LRRC56: variants seen among roughly 807,000 people sequenced by gnomAD.
LRRC56 encodes the protein leucine-rich repeat-containing protein 56.
Under a neutral mutation model 47.8 loss-of-function variants are expected in LRRC56, and 41 were observed. That is an observed-to-expected ratio of 0.86 (90% CI 0.67 to 1.11). LRRC56 has a LOEUF of 1.11. Among genes scored for constraint, LRRC56 ranks in the 50% most tolerant of loss-of-function variants. The probability of loss-of-function intolerance (pLI) is 0.00; values close to 1 mark genes in which losing one functional copy is unlikely to be tolerated. For missense variants in LRRC56, 759 were observed against 704.2 expected (o/e 1.08, Z -0.88); for synonymous variants, 387 against 311.2 (o/e 1.24, Z -2.56).
upstream of LRRC56, chr11:537,417 C>G (rs995380581): frequency 6.6e-6 from 1 of 152,266 alleles, no homozygotes; most frequent in African/African-American, 2.4e-5. Context: ...CTCAGCCGCA[C>G]GGAACCCGAG....
upstream of LRRC56, chr11:533,831 C>G (rs1392530326): frequency 2.5e-6 from 4 of 1,613,290 alleles, no homozygotes; most frequent in Non-Finnish European, 3.4e-6. Context: ...GGAAGCCCTC[C>G]CCGGTGCGCA....
intron 5 of LRRC56, 75 bp from the exon 6 acceptor site, chr11:544,645 C>T: frequency 6.7e-7 from 1 of 1,488,404 alleles, no homozygotes; most frequent in African/African-American, 1.4e-5. Flanking sequence ...GGTGCTGATG[C>T]CTAGGGGTGA....
chr11:536,780 T>C (rs1851515910), upstream of LRRC56: 1 of 152,208 alleles, frequency 6.6e-6, no homozygotes, highest in Non-Finnish European at 1.5e-5. Flanking sequence ...AAAAAGGCGT[T>C]TTACAGTCAG....
rs1424095083 is a variant in LRRC56 at position 552,591 on chromosome 11, G to C, written c.1204G>C (p.Glu402Gln). The change falls in exon 13 of 14, where the codon GAG becomes CAG. Residue 402 changes from glutamate to glutamine, a missense_variant. Physicochemically the swap from Glu to Gln is conservative, Grantham distance 29. Transcript: ENST00000270115. ...TAGCCCCCTCCCCTATAGGCACCCGGAGTCCCAACAGGAAGGGGCTGTAGC... is the reference window on the plus strand; with the variant it reads ...TAGCCCCCTCCCCTATAGGCACCCGCAGTCCCAACAGGAAGGGGCTGTAGC... Reference protein sequence around the residue: ...GVRPLPYRHPESQQEGAVAPW... With the variant: ...GVRPLPYRHPQSQQEGAVAPW... 68 of 1,607,916 alleles carry C rather than the reference G, an allele frequency of 4.2e-5. No individual in the cohort carries two copies. The highest frequency in any genetic ancestry group is 5.4e-5 in the Non-Finnish European group (64 of 1,177,814).
rs1267637550 is a variant in LRRC56 at position 541,298 on chromosome 11, C to T, written c.178-239C>T. Among the ~76,000 whole-genome samples the T allele has an allele frequency of 6.6e-6, 1 of 152,184 alleles. No individual in the cohort carries two copies. Among genetic ancestry groups the T allele is most frequent in the Non-Finnish European group, 1.5e-5 (1 of 68,030 alleles). ...TCTGCCCTGGGAGTCTCTCTGGAGA[C>T]GGGCAGCCCCCAGGGCAGGTCCTTC... On this transcript the variant is annotated intron_variant, in intron 4 of 13. Transcript: ENST00000270115. The surrounding 1 kb of genome is among the most constrained non-coding windows in gnomAD (Gnocchi z 4.1).
chr11:539,044 C>T (rs1451654546), intron 2 of LRRC56, among the ~76,000 whole-genome samples, 184 bp downstream of exon 2: 2 of 152,152 alleles, frequency 1.3e-5, no homozygotes, highest in African/African-American at 4.8e-5. Context: ...GCTCATGATT[C>T]CAGGGCCTGG....
the LRRC56 span, among the ~76,000 whole-genome samples, chr11:514,467 T>C: frequency 1.3e-5 from 2 of 152,026 alleles, no homozygotes; most frequent in South Asian, 2.1e-4. Context: ...TTTGTATTTT[T>C]GGTAGAGACA....
the LRRC56 span, chr11:506,765 A>C: frequency 6.6e-6 from 1 of 152,330 alleles, no homozygotes; most frequent in Non-Finnish European, 1.5e-5. Flanking sequence ...GCTCGCTGGA[A>C]TCTAAGGCAC....
chr11:534,831 T>C (rs113041184), upstream of LRRC56, among the ~76,000 whole-genome samples: 762 of 152,230 alleles, frequency 5.0e-3, 10 homozygotes, highest in Non-Finnish European at 8.2e-3. Flanking sequence ...GAGCGCCTAC[T>C]GCGTACTAGG....
chr11:525,337 A>T, the LRRC56 span, among the ~76,000 whole-genome samples: 1 of 151,904 alleles, frequency 6.6e-6, no homozygotes, highest in Non-Finnish European at 1.5e-5. Context: ...CAGGAGATCG[A>T]GACCATCCTG....
intron 11 of LRRC56, 22 bp downstream of exon 11, chr11:551,989 C>T: frequency 1.2e-6 from 2 of 1,612,172 alleles, no homozygotes; most frequent in Non-Finnish European, 1.7e-6. Context: ...AGGGACCAGC[C>T]CCCCACGAGA....
At chr11:508,796 C>A in the LRRC56 span, among the ~76,000 whole-genome samples, 1 of 151,590 alleles carries the variant, frequency 6.6e-6, no homozygotes, top group East Asian at 1.9e-4. Flanking sequence ...GTAATTCCAA[C>A]ACTTTGGGAG....
At position 551,204 on chromosome 11, in the gene LRRC56, C is replaced by G. The variant is rs118033321; in HGVS notation, c.698C>G (p.Pro233Arg). ...IPQLQVLDEV[P>R]AAHTGPPAPP... ...CAGCTGCAGGTCCTGGACGAAGTGC[C>G]GGCCGCACACACAGGCCCACCGGCC... The change falls in exon 9 of 14, where the codon CCG (proline) becomes CGG (arginine). Residue 233 changes from proline (P) to arginine (R), a missense_variant. Transcript: ENST00000270115. 1 of 1,546,960 alleles carries G rather than the reference C, an allele frequency of 6.5e-7. No homozygotes were observed. The highest frequency in any genetic ancestry group is 8.7e-7 in the Non-Finnish European group (1 of 1,144,840).
At chr11:540,945 TGC>T in intron 4 of LRRC56, 84 bp downstream of exon 4, 2 of 1,172,570 alleles carry the variant, frequency 1.7e-6, no homozygotes, top group Non-Finnish European at 2.4e-6. Flanking sequence ...TGGTCCAGCC[TGC>T]CCTCTGTCCC....
At chr11:518,056 G>A in the LRRC56 span, among the ~76,000 whole-genome samples, 4 of 152,094 alleles carry the variant, frequency 2.6e-5, no homozygotes, top group Non-Finnish European at 4.4e-5. Flanking sequence ...CTCTGCCTAG[G>A]AAAACCAGAG....
At chr11:537,180 C>G (rs1334892869), upstream of LRRC56, 1 of 152,272 alleles carries the variant, frequency 6.6e-6, no homozygotes, top group African/African-American at 2.4e-5. Context: ...GCAGAGACCG[C>G]CTTTACCCGC....
At chr11:514,363 G>A in the LRRC56 span, among the ~76,000 whole-genome samples, 1 of 150,376 alleles carries the variant, frequency 6.6e-6, no homozygotes, top group African/African-American at 2.5e-5. Flanking sequence ...CTCGGCTCAC[G>A]GCAACCTCTG....
In LRRC56 at chr11:549,826, T is replaced by G. The variant is rs796320512; in HGVS notation, c.327-76T>G. 3.7e-6 allele frequency: 5 copies of G among 1,351,612 alleles called. No homozygotes were observed. In the African/African-American group the frequency reaches 5.7e-5, roughly 15 times the overall value. 83.7% of individuals were successfully genotyped at this position (1,351,612 alleles called of 1,614,324 possible). On this transcript the variant is annotated intron_variant, in intron 6 of 13. Coordinates refer to ENST00000270115, the MANE Select transcript of LRRC56 (RefSeq NM_198075.4). ...AGGTGGTCACACCTGCCCCTACCCC[T>G]GAAGACAGCCAAAGGCAGGTGGTGG...
upstream of LRRC56, among the ~76,000 whole-genome samples, chr11:536,323 A>G (rs1851492769): frequency 1.3e-5 from 2 of 152,254 alleles, no homozygotes; most frequent in African/African-American, 2.4e-5. Context: ...AGCGTGGTCC[A>G]GTTAAACCGT....
Sources: allele counts gnomAD v4.1 joint callset (sites outside exome capture counted in the v4.1 genomes callset), GRCh38; gene constraint gnomAD v4.1.1; non-coding constraint Gnocchi (gnomAD v3.1); transcripts MANE v1.5; gene names NCBI Gene and HGNC (gene_info 2026-07-23, HGNC 2026-07-21).